CDH13: variants seen among roughly 807,000 people sequenced by gnomAD.
The protein encoded by CDH13 is cadherin 13.
CDH13 carries 24 observed loss-of-function variants against 63.8 expected under a neutral mutation model. That is an observed-to-expected ratio of 0.38 (90% CI 0.27 to 0.53). The LOEUF is 0.53. Among genes scored for constraint, CDH13 ranks in the 20% least tolerant of loss-of-function variants. The pLI, the probability that CDH13 is intolerant of heterozygous loss-of-function variation, is 0.85. For synonymous variants in CDH13, 503 were observed against 355.3 expected, an observed-to-expected ratio of 1.42 and a Z score of -4.67; for missense variants, 1,049 against 903.1, an observed-to-expected ratio of 1.16 and a Z score of -2.07.
At chr16:83,281,528 C>T (rs936348186) in intron 5 of CDH13, among the ~76,000 whole-genome samples, 4 of 152,190 alleles carry the variant, frequency 2.6e-5, no homozygotes, top group Non-Finnish European at 4.4e-5. Flanking sequence ...CCTTCAAGAA[C>T]TTTTCCTTTG....
At chr16:83,703,645 C>T (rs1048812392) in intron 10 of CDH13, among the ~76,000 whole-genome samples, 4 of 152,298 alleles carry the variant, frequency 2.6e-5, no homozygotes, top group Non-Finnish European at 4.4e-5. Context: ...ATGTTTTCTT[C>T]ACACTGTCTT....
intron 1 of CDH13, among the ~76,000 whole-genome samples, chr16:82,787,004 A>G (rs547501204): frequency 6.6e-6 from 1 of 152,284 alleles, no homozygotes; most frequent in South Asian, 2.1e-4. Context: ...CCATCTGAGG[A>G]TTCACAATTT....
At chr16:83,195,235 A>G (rs1309145034) in intron 4 of CDH13, among the ~76,000 whole-genome samples, 1 of 152,222 alleles carries the variant, frequency 6.6e-6, no homozygotes, top group African/African-American at 2.4e-5. Context: ...TTGCATAGCT[A>G]AACAAAAGGA....
intron 6 of CDH13, among the ~76,000 whole-genome samples, chr16:83,428,258 A>T (rs1430871538): frequency 1.3e-5 from 2 of 152,226 alleles, no homozygotes; most frequent in African/African-American, 4.8e-5. Flanking sequence ...GAAACACAGG[A>T]AAAACAGCAG....
rs1330224650 is a variant in CDH13 at position 83,635,469 on chromosome 16, G to A, written c.1101+32875G>A. Among the ~76,000 whole-genome samples the A allele has an allele frequency of 4.0e-5, 6 of 148,234 alleles. No homozygotes were observed. The South Asian group carries it at 6.5e-4, about 16-fold the overall frequency. On this transcript the variant is annotated intron_variant, in intron 8 of 13. Transcript: ENST00000567109. ...AGTGATTCTCCTGCCTCAGCCTCCC[G>A]AGTAGCTAGGATTGCAGGCACATGC...
At chr16:83,462,383 C>T (rs2073204007) in intron 6 of CDH13, among the ~76,000 whole-genome samples, 1 of 152,246 alleles carries the variant, frequency 6.6e-6, no homozygotes, top group Admixed American at 6.5e-5. Context: ...ATCTTCCTTT[C>T]TCTGAATTTC....
intron 9 of CDH13, among the ~76,000 whole-genome samples, chr16:83,674,215 A>G (rs1230319082): frequency 1.3e-5 from 2 of 152,190 alleles, no homozygotes; most frequent in Non-Finnish European, 2.9e-5. Context: ...TTATAACTAG[A>G]TGAAGGTAGG....
intron 1 of CDH13, among the ~76,000 whole-genome samples, chr16:82,638,553 T>C (rs1338435098): frequency 1.3e-5 from 2 of 152,194 alleles, no homozygotes; most frequent in Non-Finnish European, 2.9e-5. Flanking sequence ...CTCCAAGGAA[T>C]TTTATGGTCT....
At chr16:82,736,775 C>T (rs1488581430) in intron 1 of CDH13, among the ~76,000 whole-genome samples, 5 of 152,180 alleles carry the variant, frequency 3.3e-5, no homozygotes, top group Non-Finnish European at 4.4e-5. Flanking sequence ...TTCACTCCTT[C>T]GGGCAATTTG....
At chr16:83,499,810 C>T (rs1598161136) in intron 7 of CDH13, among the ~76,000 whole-genome samples, 2 of 151,270 alleles carry the variant, frequency 1.3e-5, no homozygotes, top group African/African-American at 2.4e-5. Context: ...TTCTGTTAAT[C>T]TTTTTTTTTG....
intron 1 of CDH13, among the ~76,000 whole-genome samples, chr16:82,819,826 C>T (rs569489174): frequency 6.6e-6 from 1 of 152,186 alleles, no homozygotes; most frequent in Non-Finnish European, 1.5e-5. Flanking sequence ...AACTGACATT[C>T]TAGCAGAAGA....
intron 8 of CDH13, among the ~76,000 whole-genome samples, chr16:83,636,166 C>A (rs1315405443): frequency 6.6e-6 from 1 of 151,926 alleles, no homozygotes; most frequent in Non-Finnish European, 1.5e-5. Flanking sequence ...TCCGTTCTGT[C>A]CCATTGATCT....
chr16:83,741,185 GC>G lies in CDH13; in HGVS notation c.1539-6920del, dbSNP rs538562795. The stretch of plus-strand genomic sequence containing the variant: ...CATTTTGTCAGAAGATTTGAAATAT[GC>G]CCTTTACTTTACACTCAGGGCCATA... On this transcript the variant is annotated intron_variant, in intron 10 of 13. Coordinates refer to ENST00000567109, the MANE Select transcript of CDH13 (RefSeq NM_001257.5). 1.3e-3 allele frequency among the ~76,000 whole-genome samples: 191 copies of G among 152,254 alleles called. 1 individual carries two copies. Among genetic ancestry groups the G allele is most frequent in the Middle Eastern group, 3.4e-3 (1 of 294 alleles).
chr16:82,865,819 C>G (rs1267652892), intron 2 of CDH13, among the ~76,000 whole-genome samples: 1 of 152,064 alleles, frequency 6.6e-6, no homozygotes, highest in Admixed American at 6.5e-5. Flanking sequence ...TTTTTCTTTT[C>G]TATTTCATCT....
At chr16:83,317,604 C>A (rs567233889) in intron 5 of CDH13, among the ~76,000 whole-genome samples, 149 of 152,196 alleles carry the variant, frequency 9.8e-4, no homozygotes, top group South Asian at 2.1e-3. Context: ...AGTTTGAGAC[C>A]AGCCTGACCA....
At chr16:82,635,578 G>GAT (rs1167553380) in intron 1 of CDH13, among the ~76,000 whole-genome samples, 2 of 152,330 alleles carry the variant, frequency 1.3e-5, no homozygotes, top group African/African-American at 4.8e-5. Flanking sequence ...GATGTGATCA[G>GAT]ATTTGCATTC....
At position 82,944,122 on chromosome 16, in the gene CDH13, T is replaced by G. The variant is rs565446923; in HGVS notation, c.157+85649T>G. On this transcript the variant is annotated intron_variant, in intron 2 of 13. Transcript: ENST00000567109. ...GCCATTATGTAATTCATTACTGTCA[T>G]TAGAGATCAGGAGAATCGTCTTAGG... Among the ~76,000 whole-genome samples the G allele has an allele frequency of 9.2e-5, 14 of 152,316 alleles. No individual in the cohort carries two copies. The South Asian group carries it at 2.7e-3, about 29-fold the overall frequency.
At chr16:83,520,499 C>T (rs945579293) in intron 7 of CDH13, among the ~76,000 whole-genome samples, 5 of 152,092 alleles carry the variant, frequency 3.3e-5, no homozygotes, top group African/African-American at 1.2e-4. Context: ...ACAGCTTGGG[C>T]TGTGTTTGGC....
intron 13 of CDH13, among the ~76,000 whole-genome samples, chr16:83,791,644 C>T (rs1334739488): frequency 2.0e-5 from 3 of 151,932 alleles, no homozygotes; most frequent in Non-Finnish European, 4.4e-5. Context: ...AACCCCATCT[C>T]TACTAAAAAT....
Sources: allele counts gnomAD v4.1 joint callset (sites outside exome capture counted in the v4.1 genomes callset), GRCh38; gene constraint gnomAD v4.1.1; transcripts MANE v1.5; gene names NCBI Gene and HGNC (gene_info 2026-07-23, HGNC 2026-07-21).